The following PCDH15 variants were observed in gnomAD, a reference collection of about 807,000 sequenced individuals.
PCDH15 encodes protocadherin related 15, also known as protocadherin-15.
Under a neutral mutation model 178.5 loss-of-function variants are expected in PCDH15, and 129 were observed. The observed-to-expected ratio is 0.72, with a 90% CI of 0.63 to 0.84. The LOEUF (loss-of-function observed/expected upper bound fraction) is 0.84, where lower values mean the gene tolerates loss of function less well. Among genes scored for constraint, PCDH15 ranks in the 40% least tolerant of loss-of-function variants. PCDH15 has a pLI of 0.00. For synonymous variants in PCDH15, 800 were observed against 732.0 expected, an observed-to-expected ratio of 1.09 and a Z score of -1.50; for missense variants, 2,230 against 2,099.9, an observed-to-expected ratio of 1.06 and a Z score of -1.21.
chr10:55,437,832 C>CTTTTTTT (rs778307616), intron 2 of PCDH15, among the ~76,000 whole-genome samples: 109 of 85,026 alleles, frequency 1.3e-3, no homozygotes, highest in African/African-American at 2.7e-3. Flanking sequence ...TATTGCTTTT[C>CTTTTTTT]TTTTTTTTTT....
At chr10:53,895,744 A>C (rs2081906065) in intron 26 of PCDH15, among the ~76,000 whole-genome samples, 1 of 152,200 alleles carries the variant, frequency 6.6e-6, no homozygotes, top group African/African-American at 2.4e-5. Flanking sequence ...ATCAAATCTT[A>C]CTTGTTACCT....
intron 18 of PCDH15, among the ~76,000 whole-genome samples, chr10:54,062,253 C>CAAAAAA (rs769054605): frequency 0.014 from 1,055 of 75,644 alleles, 9 homozygotes; most frequent in East Asian, 0.042. Context: ...AAAAAAAAAA[C>CAAAAAA]AAAAAACAAC....
chr10:54,881,544 C>T (rs1382181938), intron 3 of PCDH15, among the ~76,000 whole-genome samples: 1 of 151,880 alleles, frequency 6.6e-6, no homozygotes, highest in Non-Finnish European at 1.5e-5. Context: ...TTGTTTTTTG[C>T]TCTTCTATAT....
chr10:55,558,459 C>T (rs1041656571), intron 2 of PCDH15, among the ~76,000 whole-genome samples: 2 of 152,044 alleles, frequency 1.3e-5, no homozygotes, highest in African/African-American at 4.8e-5. Flanking sequence ...CAAGATCCTG[C>T]GCAATACTGC....
In PCDH15 at chr10:55,216,968, A is replaced by T. The variant is rs1564900920; in HGVS notation, c.-155-50317T>A. 2.0e-5 allele frequency among the ~76,000 whole-genome samples: 3 copies of T among 151,910 alleles called. No individual in the cohort carries two copies. In the South Asian group the frequency reaches 6.2e-4, roughly 31 times the overall value. On this transcript the variant is annotated intron_variant, in intron 1 of 5. Coordinates refer to the PCDH15 transcript ENST00000458638. ...TCTGTGAATTCTACAAAACACAGAGATGCTAAACTGAGGGTCTCATGTTTG... is the reference window on the plus strand; with the variant it reads ...TCTGTGAATTCTACAAAACACAGAGTTGCTAAACTGAGGGTCTCATGTTTG...
chr10:55,021,604 A>T (rs1000567581), intron 2 of PCDH15, among the ~76,000 whole-genome samples: 1 of 152,200 alleles, frequency 6.6e-6, no homozygotes, highest in African/African-American at 2.4e-5. Context: ...GTTAAAATAA[A>T]ACTTTAAAAT....
intron 2 of PCDH15, among the ~76,000 whole-genome samples, chr10:54,594,401 C>T (rs2092080910): frequency 1.3e-5 from 2 of 152,028 alleles, no homozygotes; most frequent in Non-Finnish European, 2.9e-5. Flanking sequence ...TGAGCCAGGC[C>T]CCCTGAGCAC....
At chr10:55,357,313 A>G (rs1031776907) in intron 2 of PCDH15, among the ~76,000 whole-genome samples, 8 of 151,950 alleles carry the variant, frequency 5.3e-5, no homozygotes, top group Non-Finnish European at 1.2e-4. Context: ...AGATTCTAGA[A>G]TAAAACACAG....
Position 55,086,642 on chromosome 10 carries a change from T to C in PCDH15, c.-80+79934A>G, listed in dbSNP as rs190862800. Among the ~76,000 whole-genome samples the C allele has an allele frequency of 7.2e-5, 11 of 152,150 alleles. No individual in the cohort carries two copies. The Middle Eastern group carries it at 0.01, about 141-fold the overall frequency. ...GAGACCAGTCACAGAACCAGCAGAC[T>C]TTTTAAAGACCAATTGAAAGGCCCT... On this transcript the variant is annotated intron_variant, in intron 2 of 5. Transcript: ENST00000458638.
At chr10:54,556,966 C>A (rs1210352511) in intron 2 of PCDH15, among the ~76,000 whole-genome samples, 1 of 151,790 alleles carries the variant, frequency 6.6e-6, no homozygotes, top group Non-Finnish European at 1.5e-5. Context: ...ATCTTTTTAC[C>A]AATTTGTGCA....
intron 2 of PCDH15, among the ~76,000 whole-genome samples, chr10:55,135,893 T>C (rs1431726358): frequency 6.6e-6 from 1 of 152,126 alleles, no homozygotes; most frequent in Non-Finnish European, 1.5e-5. Context: ...ATAAAGCTTT[T>C]TCATACCTTC....
chr10:54,986,866 A>AGGGG (rs1286511928), intron 2 of PCDH15, among the ~76,000 whole-genome samples: 2 of 152,198 alleles, frequency 1.3e-5, no homozygotes, highest in African/African-American at 4.8e-5. Flanking sequence ...ATCAAGCAAT[A>AGGGG]ATCTATAATT....
chr10:54,664,379 A>C, intron 1 of PCDH15, 89 bp from the exon 2 acceptor site: 1 of 824,340 alleles, frequency 1.2e-6, no homozygotes, highest in Non-Finnish European at 2.0e-6. Context: ...GAAAAGCCTT[A>C]ATGACTTCAT....
intron 23 of PCDH15, among the ~76,000 whole-genome samples, chr10:53,941,840 G>A (rs2086095989): frequency 1.3e-5 from 2 of 152,052 alleles, no homozygotes; most frequent in African/African-American, 2.4e-5. Flanking sequence ...TCAATAGTCT[G>A]GATTTCAGAC....
chr10:54,895,859 C>T (rs1954535644), intron 3 of PCDH15, among the ~76,000 whole-genome samples: 1 of 151,942 alleles, frequency 6.6e-6, no homozygotes, highest in Non-Finnish European at 1.5e-5. Flanking sequence ...ATTGGTGATA[C>T]TATAACTGAA....
intron 2 of PCDH15, among the ~76,000 whole-genome samples, chr10:55,374,771 T>A (rs1845581262): frequency 6.6e-6 from 1 of 152,078 alleles, no homozygotes; most frequent in South Asian, 2.1e-4. Flanking sequence ...GAAAGCATAA[T>A]TTTTGTTGTG....
intron 2 of PCDH15, among the ~76,000 whole-genome samples, chr10:55,328,133 T>C (rs138684483): frequency 1.4e-4 from 21 of 152,084 alleles, no homozygotes; most frequent in African/African-American, 5.1e-4. Context: ...ATGAGAAACA[T>C]ATTTATAATA....
intron 1 of PCDH15, among the ~76,000 whole-genome samples, chr10:54,733,756 A>G (rs1337116663): frequency 3.3e-5 from 5 of 151,722 alleles, no homozygotes; most frequent in Non-Finnish European, 7.4e-5. Context: ...AGATACACAT[A>G]TGAAAGGAAT....
intron 3 of PCDH15, among the ~76,000 whole-genome samples, chr10:54,404,106 A>C (rs1952296092): frequency 6.6e-6 from 1 of 152,068 alleles, no homozygotes. Context: ...ACAGAACTAG[A>C]AAAGGCTATT....
Sources: gnomAD v4.1 joint callset for allele counts (sites outside exome capture counted in the v4.1 genomes callset) on GRCh38, gnomAD v4.1.1 for gene constraint, MANE v1.5 for transcripts, NCBI Gene and HGNC (gene_info 2026-07-23, HGNC 2026-07-21) for gene names.